Variants in PXDNL observed in about 807,000 individuals in gnomAD.
PXDNL encodes peroxidasin like, also known as probable oxidoreductase PXDNL.
PXDNL carries 145 observed loss-of-function variants against 150.8 expected under a neutral mutation model. That is an observed-to-expected ratio of 0.96 (90% CI 0.84 to 1.10). The LOEUF (loss-of-function observed/expected upper bound fraction) is 1.10. Among genes scored for constraint, PXDNL ranks in the 50% least tolerant of loss-of-function variants. PXDNL has a pLI of 0.00. For missense variants in PXDNL, 2,087 were observed against 1,873.9 expected (o/e 1.11, Z -2.10); for synonymous variants, 757 against 725.7 (o/e 1.04, Z -0.69).
chr8:51,492,959 G>A (rs1247287826), intron 5 of PXDNL, among the ~76,000 whole-genome samples: 1 of 152,194 alleles, frequency 6.6e-6, no homozygotes, highest in East Asian at 1.9e-4. Flanking sequence ...CCCAGCTGGA[G>A]ACCTGAGAAT....
At chr8:51,702,241 T>C (rs1816272046) in intron 1 of PXDNL, among the ~76,000 whole-genome samples, 1 of 152,184 alleles carries the variant, frequency 6.6e-6, no homozygotes, top group South Asian at 2.1e-4. Flanking sequence ...ACTTTTAGAC[T>C]GACTTCAGAA....
At chr8:51,435,707 G>A (rs1039310328) in intron 12 of PXDNL, 25 of 305,412 alleles carry the variant, frequency 8.2e-5, no homozygotes, top group Non-Finnish European at 1.4e-4. Flanking sequence ...GGGCACCACC[G>A]CAGAGGAGGT....
intron 1 of PXDNL, among the ~76,000 whole-genome samples, chr8:51,697,032 A>G (rs1001389705): frequency 2.0e-5 from 3 of 152,180 alleles, no homozygotes; most frequent in Non-Finnish European, 2.9e-5. Context: ...GGCCAGGCAC[A>G]GTGGCTCACA....
chr8:51,718,277 G>C (rs1816657545), intron 1 of PXDNL, among the ~76,000 whole-genome samples: 1 of 152,114 alleles, frequency 6.6e-6, no homozygotes, highest in African/African-American at 2.4e-5. Context: ...AGGGACTGAG[G>C]GGGAGGAGCT....
chr8:51,690,411 C>T (rs1815968717), intron 1 of PXDNL, among the ~76,000 whole-genome samples: 1 of 151,920 alleles, frequency 6.6e-6, no homozygotes, highest in Non-Finnish European at 1.5e-5. Flanking sequence ...TGAGTGAGAA[C>T]ATGTGGTGTT....
In PXDNL at chr8:51,749,339, TAG is replaced by T. The variant is rs568787564; in HGVS notation, c.164+59840_164+59841del. Among the ~76,000 whole-genome samples the T allele has an allele frequency of 1.1e-4, 17 of 152,318 alleles. No individual in the cohort carries two copies. In the South Asian group the frequency reaches 3.5e-3, roughly 32 times the overall value. Reference sequence around the variant, plus strand: ...AGATTTCAATGTTGTGCACACATCATAGAGTGTCCTTACACAAAGCTAGATGG... The same window carrying T: ...AGATTTCAATGTTGTGCACACATCATAGTGTCCTTACACAAAGCTAGATGG... On this transcript the variant is annotated intron_variant, in intron 1 of 22. Coordinates refer to ENST00000356297, the MANE Select transcript of PXDNL (RefSeq NM_144651.5).
chr8:51,695,457 A>G (rs1816097108), intron 1 of PXDNL, among the ~76,000 whole-genome samples: 1 of 152,028 alleles, frequency 6.6e-6, no homozygotes, highest in Admixed American at 6.6e-5. Context: ...CAGAGCAGTA[A>G]ATTCCAGTGC....
At chr8:51,563,260 T>A (rs1353324551) in intron 3 of PXDNL, among the ~76,000 whole-genome samples, 1 of 151,962 alleles carries the variant, frequency 6.6e-6, no homozygotes, top group Admixed American at 6.6e-5. Context: ...AAGTCCAAGA[T>A]CAAGGTCTGG....
At chr8:51,633,244 G>A (rs1322149273) in intron 2 of PXDNL, among the ~76,000 whole-genome samples, 2 of 152,118 alleles carry the variant, frequency 1.3e-5, no homozygotes, top group African/African-American at 4.8e-5. Flanking sequence ...TCTCTTTTGT[G>A]GATGCATAGT....
chr8:51,680,894 G>A (rs963950825), intron 1 of PXDNL, among the ~76,000 whole-genome samples: 3 of 152,202 alleles, frequency 2.0e-5, no homozygotes, highest in Non-Finnish European at 4.4e-5. Flanking sequence ...TGCTATTTTA[G>A]TATGGAATTT....
intron 2 of PXDNL, among the ~76,000 whole-genome samples, chr8:51,602,010 G>A (rs975355883): frequency 6.6e-6 from 1 of 151,784 alleles, no homozygotes; most frequent in Admixed American, 6.6e-5. Flanking sequence ...TGAAATTCTT[G>A]GTTGGAATCT....
chr8:51,517,156 T>C (rs1306595253), intron 4 of PXDNL, among the ~76,000 whole-genome samples: 1 of 152,148 alleles, frequency 6.6e-6, no homozygotes, highest in Non-Finnish European at 1.5e-5. Context: ...TTTTAAAAAA[T>C]CTAGATTTTT....
At chr8:51,325,059 T>C (rs539903061) in intron 21 of PXDNL, among the ~76,000 whole-genome samples, 1 of 152,140 alleles carries the variant, frequency 6.6e-6, no homozygotes, top group Non-Finnish European at 1.5e-5. Context: ...AGAGATGGGG[T>C]TTCACCATGT....
intron 3 of PXDNL, among the ~76,000 whole-genome samples, chr8:51,577,983 GAAAGAAA>G: frequency 1.2e-5 from 1 of 81,590 alleles, no homozygotes; most frequent in Admixed American, 1.5e-4. Flanking sequence ...AAGAAAGAAA[GAAAGAAA>G]GAAAGAAAGA....
intron 21 of PXDNL, among the ~76,000 whole-genome samples, chr8:51,323,414 GA>G (rs997637140): frequency 3.3e-5 from 5 of 152,044 alleles, no homozygotes; most frequent in Admixed American, 2.6e-4. Context: ...CAGGTAGCTG[GA>G]ACCACTGGTG....
At chr8:51,608,360 G>A (rs1188522092) in intron 2 of PXDNL, among the ~76,000 whole-genome samples, 1 of 134,392 alleles carries the variant, frequency 7.4e-6, no homozygotes, top group East Asian at 2.1e-4. Context: ...CTGCACTCCA[G>A]CCTCAGCGAC....
At chr8:51,646,725 G>T (rs1406912199) in intron 2 of PXDNL, among the ~76,000 whole-genome samples, 2 of 152,102 alleles carry the variant, frequency 1.3e-5, no homozygotes, top group Non-Finnish European at 1.5e-5. Context: ...GAGGGAAAGA[G>T]GTGTCAGATC....
At chr8:51,710,293 T>A (rs891161690) in intron 1 of PXDNL, among the ~76,000 whole-genome samples, 1 of 152,216 alleles carries the variant, frequency 6.6e-6, no homozygotes, top group Middle Eastern at 3.2e-3. Context: ...TTGTCTCTTT[T>A]TAAATTTTTA....
chr8:51,550,065 T>A (rs57085864), intron 4 of PXDNL, among the ~76,000 whole-genome samples: 1 of 152,222 alleles, frequency 6.6e-6, no homozygotes, highest in East Asian at 1.9e-4. Context: ...TTCGTGTGCA[T>A]AGACTAGAAA....
Sources: gnomAD v4.1 joint callset for allele counts (sites outside exome capture counted in the v4.1 genomes callset) on GRCh38, gnomAD v4.1.1 for gene constraint, MANE v1.5 for transcripts, NCBI Gene and HGNC (gene_info 2026-07-23, HGNC 2026-07-21) for gene names.